The following DRC7 variants were observed in gnomAD, a reference collection of about 807,000 sequenced individuals.
The protein encoded by DRC7 is coiled-coil domain containing 135.
In DRC7, 80 loss-of-function variants were observed where a neutral mutation model predicts 104.4. That is an observed-to-expected ratio of 0.77 (90% CI 0.64 to 0.92). The LOEUF is 0.92. DRC7 is among the 40% of genes least tolerant of loss of function. The pLI is 0.00. For synonymous variants in DRC7, 405 were observed against 447.3 expected (o/e 0.91, Z 1.19); for missense variants, 1,034 against 1,141.1 (o/e 0.91, Z 1.35).
At chr16:57,709,364 T>C (rs771185526) in intron 8 of DRC7, among the ~76,000 whole-genome samples, 1 of 152,192 alleles carries the variant, frequency 6.6e-6, no homozygotes, top group Non-Finnish European at 1.5e-5. Context: ...TAATGTCAAA[T>C]TGAAGTGGGG....
At position 57,721,710 on chromosome 16, in the gene DRC7, G is replaced by A; in HGVS notation, c.1250G>A (p.Trp417Ter). The change falls in exon 10 of 19, where the codon TGG becomes TAG. Residue 417 changes from tryptophan to a stop codon, truncating the protein, a stop_gained. Transcript: ENST00000360716. LOFTEE classifies it high-confidence loss of function. ...AAGAGCTTCGACATGCCCCACTCGT[G>A]GGTGGAGCAGATTGAGATCTCCCCG... ...EDKSFDMPHSWVEQIEISPEA... is the reference protein window; with the variant it reads ...EDKSFDMPHS The A allele has an allele frequency of 6.2e-7, 1 of 1,613,878 alleles. No homozygotes were observed. The highest frequency in any genetic ancestry group is 8.5e-7 in the Non-Finnish European group (1 of 1,179,896).
At chr16:57,730,783 TG>T in intron 17 of DRC7, 147 bp from the exon 18 acceptor site, 1 of 780,150 alleles carries the variant, frequency 1.3e-6, no homozygotes, top group South Asian at 1.7e-5. Context: ...CCTGCCTCTG[TG>T]GCAGGTATGG....
chr16:57,724,028 C>T (rs542324978), intron 12 of DRC7, among the ~76,000 whole-genome samples: 28 of 152,054 alleles, frequency 1.8e-4, no homozygotes, highest in Non-Finnish European at 3.2e-4. Flanking sequence ...GACCATAAAA[C>T]GTGTACGCTT....
In DRC7 at chr16:57,701,923, C is replaced by T. The variant is rs1259652697; in HGVS notation, c.505-13C>T. The T allele has an allele frequency of 6.2e-7, 1 of 1,610,836 alleles. No homozygotes were observed. Among genetic ancestry groups the T allele is most frequent in the African/African-American group, 1.3e-5 (1 of 74,862 alleles). ...CGGGGCCCCAGCTGTGCTGACCGTC[C>T]CACTGTGACCAGCCCTCGCACCTGT... On this transcript the variant is annotated splice_polypyrimidine_tract_variant and intron_variant, in intron 5 of 18. Transcript: ENST00000360716.
chr16:57,705,042 C>G lies in DRC7; in HGVS notation c.858+8C>G. The G allele has an allele frequency of 6.2e-7, 1 of 1,610,608 alleles. No individual in the cohort carries two copies. The highest frequency in any genetic ancestry group is 2.1e-4 in the Middle Eastern group (1 of 4,688). The stretch of plus-strand genomic sequence containing the variant: ...GAGGAGGAGCGCCTCATGGTGGGTC[C>G]TCAGCCCTGAATCCCCTGGGCTCAG... On this transcript the variant is annotated splice_region_variant and intron_variant, in intron 7 of 18. Transcript: ENST00000360716.
rs745561928 is a variant in DRC7, at chr16:57,707,616, G to T, written c.1015G>T (p.Glu339Ter). The T allele has an allele frequency of 6.2e-7, 1 of 1,613,386 alleles. No individual in the cohort carries two copies. The highest frequency in any genetic ancestry group is 1.7e-5 in the Admixed American group (1 of 59,988). ...CCAGGATGAGCACTTCCTGGGCATC[G>T]AAAGCCTGTGGAACCACAAGAACTA... ...STQDEHFLGI[E>*]SLWNHKNYWI... Residue 339 changes from glutamate (E) to a stop codon, truncating the protein, a stop_gained, in exon 8 of 19, where the codon GAA (glutamate) becomes TAA (stop). Transcript: ENST00000360716. LOFTEE classifies it high-confidence loss of function.
At chr16:57,727,200 A>G in intron 15 of DRC7, 99 bp from the exon 16 acceptor site, 6 of 961,198 alleles carry the variant, frequency 6.2e-6, no homozygotes, top group Non-Finnish European at 1.0e-5. Flanking sequence ...CAAACTCCTG[A>G]ATTCATGCAA....
chr16:57,716,502 G>GAAAAAA (rs57994446), intron 8 of DRC7, among the ~76,000 whole-genome samples: 1 of 118,852 alleles, frequency 8.4e-6, no homozygotes, highest in African/African-American at 3.1e-5. Context: ...GACTCCATCT[G>GAAAAAA]AAAAAAAAAA....
intron 5 of DRC7, among the ~76,000 whole-genome samples, chr16:57,700,507 C>T (rs2048646101): frequency 6.6e-6 from 1 of 151,924 alleles, no homozygotes; most frequent in Admixed American, 6.6e-5. Flanking sequence ...ATTAGCAGGG[C>T]GTGGTGGCAC....
chr16:57,710,401 T>C (rs1454443686), intron 8 of DRC7, among the ~76,000 whole-genome samples: 1 of 152,232 alleles, frequency 6.6e-6, no homozygotes, highest in African/African-American at 2.4e-5. Context: ...TTTGCCCTAA[T>C]AGCCTTTGCG....
In DRC7 at chr16:57,731,293, G is replaced by C. The variant is rs781206870; in HGVS notation, c.*35G>C. 4.5e-6 allele frequency: 7 copies of C among 1,555,576 alleles called. No homozygotes were observed. The African/African-American group carries it at 9.5e-5, about 21-fold the overall frequency. On this transcript the variant is annotated 3_prime_UTR_variant, in exon 19 of 19. Transcript: ENST00000360716. Reference sequence around the variant, plus strand: ...TGGGGCCTCAGCCAGAGCTGCCAGAGAAAGGAAACCTCTTCCCGCAGCCTG... The same window carrying C: ...TGGGGCCTCAGCCAGAGCTGCCAGACAAAGGAAACCTCTTCCCGCAGCCTG...
At chr16:57,704,789 C>A in intron 6 of DRC7, 87 bp from the exon 7 acceptor site, 1 of 1,492,904 alleles carries the variant, frequency 6.7e-7, no homozygotes, top group Non-Finnish European at 9.1e-7. Flanking sequence ...GTCTGAGGGA[C>A]TGGCTGGGCG....
At position 57,707,483 on chromosome 16, in the gene DRC7, T is replaced by C. The variant is rs1251527405; in HGVS notation, c.882T>C (p.Asp294=). Residue 294 remains aspartate, a synonymous_variant, in exon 8 of 19, where the codon GAT becomes GAC. Transcript: ENST00000360716. ...RLMEAEKAKP[D]ALHGLRVHSW... ...AGGAAGCGGAGAAGGCAAAGCCGGA[T>C]GCCCTGCACGGCCTGCGGGTGCACT... The C allele has an allele frequency of 2.5e-6, 4 of 1,613,160 alleles. No homozygotes were observed. The highest frequency in any genetic ancestry group is 3.4e-6 in the Non-Finnish European group (4 of 1,179,898).
rs1385140023 is a variant in DRC7, at chr16:57,729,356, G to A, written c.2391+772G>A. ...TGGATGGATGGGTGGATGAGTGAGTGAGTGAGTGGGCAGATGGATGAATGG... is the reference window on the plus strand; with the variant it reads ...TGGATGGATGGGTGGATGAGTGAGTAAGTGAGTGGGCAGATGGATGAATGG... On this transcript the variant is annotated intron_variant, in intron 17 of 18. Coordinates refer to ENST00000360716, the MANE Select transcript of DRC7 (RefSeq NM_001289162.2). Among the ~76,000 whole-genome samples, 3 of 148,872 alleles carry A rather than the reference G, an allele frequency of 2.0e-5. No individual in the cohort carries two copies. In the East Asian group the frequency reaches 6.2e-4, roughly 31 times the overall value.
At position 57,702,140 on chromosome 16, in the gene DRC7, G is replaced by T; in HGVS notation, c.699+10G>T. 2 of 1,613,128 alleles carry T rather than the reference G, an allele frequency of 1.2e-6. No individual in the cohort carries two copies. On this transcript the variant is annotated intron_variant, in intron 6 of 18. Transcript: ENST00000360716. ...TGTGAAGCCCAAGGAGGTATGGTCG[G>T]GCTTGAGCTGCCCGGGTTTCCCAAA...
In DRC7 at chr16:57,698,466, C is replaced by T. The variant is rs145401755; in HGVS notation, c.203+314C>T. On this transcript the variant is annotated intron_variant, in intron 3 of 18. Coordinates refer to ENST00000360716, the MANE Select transcript of DRC7 (RefSeq NM_001289162.2). ...CTTTAGAAGGAAAAGGTGGGAGGAT[C>T]GCTTGAGGCCAGGAGTTCGAGACCA... Among the ~76,000 whole-genome samples, 60 of 152,062 alleles carry T rather than the reference C, an allele frequency of 3.9e-4. No homozygotes were observed. In the East Asian group the frequency reaches 7.5e-3, roughly 19 times the overall value.
chr16:57,727,764 C>G (rs1019553823), intron 16 of DRC7, among the ~76,000 whole-genome samples: 10 of 152,246 alleles, frequency 6.6e-5, no homozygotes, highest in African/African-American at 2.4e-4. Context: ...CTCTCCTGCT[C>G]TCCAGCACAG....
intron 8 of DRC7, among the ~76,000 whole-genome samples, chr16:57,709,206 T>A (rs925849925): frequency 6.6e-5 from 10 of 152,326 alleles, no homozygotes; most frequent in East Asian, 5.8e-4. Context: ...TTATTCATTT[T>A]AAAAATTAAT....
At chr16:57,724,897 T>C (rs1220938517) in intron 13 of DRC7, 62 bp downstream of exon 13, 4 of 1,353,416 alleles carry the variant, frequency 3.0e-6, no homozygotes, top group Non-Finnish European at 4.1e-6. Context: ...ATGTCACCTC[T>C]GAATGGTGAG....
Sources: gnomAD v4.1 joint callset for allele counts (sites outside exome capture counted in the v4.1 genomes callset) on GRCh38, gnomAD v4.1.1 for gene constraint, MANE v1.5 for transcripts, NCBI Gene and HGNC (gene_info 2026-07-23, HGNC 2026-07-21) for gene names.